The following MISP variants were observed in gnomAD, a reference collection of about 807,000 sequenced individuals.
MISP encodes the protein mitotic interactor and substrate of PLK1.
In MISP, 51 loss-of-function variants were observed where a neutral mutation model predicts 49.3. The observed-to-expected ratio is 1.03, with a 90% CI of 0.83 to 1.31. MISP has a LOEUF of 1.31. Ranked by LOEUF, MISP falls within the 50% of genes most tolerant of loss-of-function variation. MISP has a pLI of 0.00. For missense variants in MISP, 1,084 were observed against 935.1 expected (o/e 1.16, Z -2.08); for synonymous variants, 444 against 392.6 (o/e 1.13, Z -1.55).
In MISP at chr19:757,658, C is replaced by T. The variant is rs755587300; in HGVS notation, c.712C>T (p.His238Tyr). 7 of 1,613,348 alleles carry T rather than the reference C, an allele frequency of 4.3e-6. No individual in the cohort carries two copies. Among genetic ancestry groups the T allele is most frequent in the Non-Finnish European group, 5.1e-6 (6 of 1,179,842 alleles). ...SQAPKAFNKP[H>Y]LANGHVVPIK... is the part of the protein sequence containing the mutation. ...GGCCCCCAAGGCCTTCAACAAGCCC[C>T]ACCTGGCCAACGGGCACGTGGTTCC... The change falls in exon 2 of 5, where the codon CAC (histidine) becomes TAC (tyrosine). Residue 238 changes from histidine to tyrosine, a missense_variant. Physicochemically the swap from His to Tyr is moderately conservative, Grantham distance 83. Coordinates refer to ENST00000215582, the MANE Select transcript of MISP (RefSeq NM_173481.4).
chr19:754,614 G>A (rs569135601), intron 1 of MISP, among the ~76,000 whole-genome samples: 8 of 152,358 alleles, frequency 5.3e-5, no homozygotes, highest in Non-Finnish European at 7.3e-5. Context: ...GCATCGCAGC[G>A]AGACTCTGTC....
At chr19:752,709 C>T (rs964888535) in intron 1 of MISP, among the ~76,000 whole-genome samples, 30 of 151,774 alleles carry the variant, frequency 2.0e-4, no homozygotes, top group Non-Finnish European at 3.2e-4. Context: ...CACTGGGAGA[C>T]CCGGCACCTG....
chr19:749,920 A>G (rs1326480586), upstream of MISP, among the ~76,000 whole-genome samples: 1 of 151,952 alleles, frequency 6.6e-6, no homozygotes, highest in African/African-American at 2.4e-5. Flanking sequence ...TGAGGTTCAG[A>G]GGGGCTCCAC....
chr19:761,086 T>C (rs1194708795), intron 3 of MISP, among the ~76,000 whole-genome samples: 1 of 40,308 alleles, frequency 2.5e-5, no homozygotes, highest in Non-Finnish European at 4.6e-5. Context: ...TATTATGTCC[T>C]TTTTTTTTTT....
rs34363064 is a variant in MISP at position 760,364 on chromosome 19, C to CTT, written c.1911+343_1911+344dup. 1,212 of 129,610 alleles carry CTT rather than the reference C, an allele frequency of 9.4e-3. 13 individuals carry two copies. The highest frequency in any genetic ancestry group is 0.028 in the South Asian group (146 of 5,162). 8.0% of individuals were successfully genotyped at this position (129,610 alleles called of 1,614,324 possible). ...TTGTCATCGTCACCAGCATTAGTTT[C>CTT]TTTTTTTTTTTTTTTTTTTGAGACG... On this transcript the variant is annotated intron_variant, in intron 3 of 4. Transcript: ENST00000215582.
At chr19:748,545 G>A (rs78469059), upstream of MISP, among the ~76,000 whole-genome samples, 992 of 152,208 alleles carry the variant, frequency 6.5e-3, 15 homozygotes, top group African/African-American at 0.023. Flanking sequence ...GGGCTGCTGT[G>A]GGGGGGCAGG....
upstream of MISP, among the ~76,000 whole-genome samples, chr19:750,030 G>T (rs2033434988): frequency 6.6e-6 from 1 of 151,972 alleles, no homozygotes; most frequent in Non-Finnish European, 1.5e-5. Context: ...ACGGCGCTAG[G>T]CCCAGTGGCC....
At chr19:762,348 G>T (rs1003502027) in intron 4 of MISP, among the ~76,000 whole-genome samples, 1 of 151,780 alleles carries the variant, frequency 6.6e-6, no homozygotes, top group Non-Finnish European at 1.5e-5. Flanking sequence ...CGCCTTTCAG[G>T]TTCAAGCGAT....
intron 4 of MISP, 86 bp from the exon 5 acceptor site, chr19:763,415 C>A: frequency 1.1e-6 from 1 of 906,844 alleles, no homozygotes; most frequent in Non-Finnish European, 1.8e-6. Context: ...CCGTTCTAGG[C>A]CTCTCTAATG....
In MISP at chr19:757,708, G is replaced by A; in HGVS notation, c.762G>A (p.Val254=). 2.5e-6 allele frequency: 4 copies of A among 1,613,862 alleles called. No homozygotes were observed. The highest frequency in any genetic ancestry group is 3.4e-6 in the Non-Finnish European group (4 of 1,179,978). The change falls in exon 2 of 5, where the codon GTG becomes GTA. Residue 254 remains valine, a synonymous_variant. Coordinates refer to ENST00000215582, the MANE Select transcript of MISP (RefSeq NM_173481.4). ...VVPIKPQVKG[V]VREENKVRAV... ...CCATCAAGCCCCAGGTGAAGGGGGT[G>A]GTCAGGGAAGAGAACAAGGTGCGTG...
chr19:759,485 C>T (rs1255169639), intron 2 of MISP, among the ~76,000 whole-genome samples: 3 of 151,158 alleles, frequency 2.0e-5, no homozygotes, highest in African/African-American at 4.9e-5. Flanking sequence ...CTGCAAGCTC[C>T]GCCTCCCGGG....
At position 754,157 on chromosome 19, in the gene MISP, C is replaced by A. The variant is rs920196034; in HGVS notation, c.-57-2733C>A. Among the ~76,000 whole-genome samples the A allele has an allele frequency of 2.0e-5, 3 of 151,282 alleles. No homozygotes were observed. In the East Asian group the frequency reaches 5.9e-4, roughly 30 times the overall value. On this transcript the variant is annotated intron_variant, in intron 1 of 4. Coordinates refer to ENST00000215582, the MANE Select transcript of MISP (RefSeq NM_173481.4). The stretch of plus-strand genomic sequence containing the variant: ...ACATGGTGAAACCCGTCTCTACTAA[C>A]AATACAAAAATTAGCCGGGTGTCCT...
intron 3 of MISP, among the ~76,000 whole-genome samples, chr19:760,662 GCCACAGATATT>G: frequency 6.6e-6 from 1 of 151,724 alleles, no homozygotes; most frequent in Non-Finnish European, 1.5e-5. Flanking sequence ...ACTGCACCTG[GCCACAGATATT>G]TACTTCTAAG....
At chr19:754,224 G>A (rs1644639380) in intron 1 of MISP, among the ~76,000 whole-genome samples, 2 of 152,142 alleles carry the variant, frequency 1.3e-5, no homozygotes, top group Non-Finnish European at 2.9e-5. Flanking sequence ...CAACACTTTG[G>A]GAGGCCGAGG....
rs748498948 is a variant in MISP at position 757,575 on chromosome 19, C to T, written c.629C>T (p.Ala210Val). The T allele has an allele frequency of 3.7e-6, 6 of 1,612,762 alleles. No individual in the cohort carries two copies. In the South Asian group the frequency reaches 5.5e-5, roughly 15 times the overall value. ...FLSLEQANKG[A>V]PHSSPARGTP... is the part of the protein sequence containing the mutation. Reference sequence around the variant, plus strand: ...AGTCTGGAGCAGGCGAACAAGGGGGCCCCTCATAGCTCCCCGGCCAGGGGG... The same window carrying T: ...AGTCTGGAGCAGGCGAACAAGGGGGTCCCTCATAGCTCCCCGGCCAGGGGG... Residue 210 changes from alanine (A) to valine (V), a missense_variant, in exon 2 of 5, where the codon GCC becomes GTC. Coordinates refer to ENST00000215582, the MANE Select transcript of MISP (RefSeq NM_173481.4).
Position 763,830 on chromosome 19 carries a change from G to A in MISP, c.*240G>A. ...TCTAAAGCTTTTGGGGATGAAATGG[G>A]ACCCCTGCTGATTCTTTCTGCTTCT... On this transcript the variant is annotated 3_prime_UTR_variant, in exon 5 of 5. Transcript: ENST00000215582. 3 of 521,836 alleles carry A rather than the reference G, an allele frequency of 5.7e-6. No homozygotes were observed. The highest frequency in any genetic ancestry group is 5.2e-4 in the Middle Eastern group (1 of 1,906). 32.3% of individuals were successfully genotyped at this position (521,836 alleles called of 1,614,324 possible). A position where few individuals can be genotyped will look rare whatever the true frequency, so the allele number is the denominator to read the frequency against.
chr19:761,003 G>A (rs1431341207), intron 3 of MISP, among the ~76,000 whole-genome samples: 1 of 151,254 alleles, frequency 6.6e-6, no homozygotes, highest in Non-Finnish European at 1.5e-5. Flanking sequence ...TTGGATGAGA[G>A]CTCCTTTTGT....
At chr19:754,350 G>C (rs2033510418) in intron 1 of MISP, among the ~76,000 whole-genome samples, 1 of 152,230 alleles carries the variant, frequency 6.6e-6, no homozygotes, top group South Asian at 2.1e-4. Context: ...CGTAGTCCCA[G>C]CTCTAGGGAG....
intron 1 of MISP, among the ~76,000 whole-genome samples, chr19:755,615 G>T (rs1285808255): frequency 1.3e-5 from 2 of 152,130 alleles, no homozygotes; most frequent in African/African-American, 4.8e-5. Flanking sequence ...GATAAATATG[G>T]TGCGGCCAAG....
Sources: gnomAD v4.1 joint callset for allele counts (sites outside exome capture counted in the v4.1 genomes callset) on GRCh38, gnomAD v4.1.1 for gene constraint, MANE v1.5 for transcripts, NCBI Gene and HGNC (gene_info 2026-07-23, HGNC 2026-07-21) for gene names.